The following DOCK1 variants were observed in gnomAD, a reference collection of about 807,000 sequenced individuals.
The protein encoded by DOCK1 is dedicator of cytokinesis 1.
A neutral mutation model predicts 262.7 loss-of-function variants in DOCK1; 138 were observed. The observed-to-expected ratio is 0.53, with a 90% CI of 0.46 to 0.61. The LOEUF is 0.61. DOCK1 is among the 20% of genes least tolerant of loss of function. The probability of loss-of-function intolerance (pLI) is 0.00; values close to 1 mark genes in which losing one functional copy is unlikely to be tolerated. For missense variants in DOCK1, 1,908 were observed against 2,370.7 expected, an observed-to-expected ratio of 0.80 and a Z score of 4.05; for synonymous variants, 866 against 867.4, an observed-to-expected ratio of 1.00 and a Z score of 0.03.
At chr10:126,929,103 T>C (rs2033991475) in intron 1 of DOCK1, among the ~76,000 whole-genome samples, 1 of 152,196 alleles carries the variant, frequency 6.6e-6, no homozygotes, top group East Asian at 1.9e-4. Context: ...CATGGAAGCT[T>C]ATTTGCATTG....
At chr10:127,114,790 C>T (rs1338901844) in intron 25 of DOCK1, among the ~76,000 whole-genome samples, 323 of 125,998 alleles carry the variant, frequency 2.6e-3, no homozygotes, top group African/African-American at 9.2e-3. Flanking sequence ...TGGAGTCTTG[C>T]TTTGTTGTCA....
intron 27 of DOCK1, among the ~76,000 whole-genome samples, chr10:127,201,621 C>T (rs964709084): frequency 6.6e-6 from 1 of 151,976 alleles, no homozygotes; most frequent in Non-Finnish European, 1.5e-5. Context: ...TTCTAATGCT[C>T]CCTGCAACTG....
chr10:127,005,464 G>T (rs908265786), intron 10 of DOCK1, among the ~76,000 whole-genome samples: 5 of 152,140 alleles, frequency 3.3e-5, no homozygotes, highest in Non-Finnish European at 5.9e-5. Flanking sequence ...GCTTTCTTTA[G>T]AATGACTTCT....
chr10:127,397,806 G>A (rs2066997330), intron 38 of DOCK1, among the ~76,000 whole-genome samples: 1 of 148,002 alleles, frequency 6.8e-6, no homozygotes, highest in South Asian at 2.1e-4. Context: ...GACACGGGCA[G>A]TGACTCCTGT....
chr10:127,161,129 A>G (rs983447983), intron 27 of DOCK1, among the ~76,000 whole-genome samples: 5 of 152,210 alleles, frequency 3.3e-5, no homozygotes, highest in Non-Finnish European at 4.4e-5. Context: ...AGTTTGCCAG[A>G]TTATGCCCCG....
At chr10:126,915,573 C>CG (rs2032382272) in intron 1 of DOCK1, among the ~76,000 whole-genome samples, 1 of 152,082 alleles carries the variant, frequency 6.6e-6, no homozygotes, top group African/African-American at 2.4e-5. Context: ...TGTGCACCAC[C>CG]GCATCTGGTA....
intron 1 of DOCK1, among the ~76,000 whole-genome samples, chr10:126,916,064 A>G (rs1025680922): frequency 2.0e-5 from 3 of 152,094 alleles, no homozygotes; most frequent in African/African-American, 7.2e-5. Context: ...TGGAGTTTAG[A>G]GCACTGGATT....
intron 1 of DOCK1, among the ~76,000 whole-genome samples, chr10:126,928,595 T>C (rs1048751922): frequency 2.0e-5 from 3 of 151,822 alleles, no homozygotes; most frequent in Admixed American, 2.0e-4. Context: ...CTTGTGAACT[T>C]GCCCAGTATT....
chr10:127,173,735 T>C lies in DOCK1; in HGVS notation c.2847+45971T>C, dbSNP rs149679090. ...GGACTACTGATCAGTAAATCACTGG[T>C]CTCCCCCACCCCACGCCTGATGAGT... On this transcript the variant is annotated intron_variant, in intron 27 of 51. Coordinates refer to ENST00000623213, the MANE Select transcript of DOCK1 (RefSeq NM_001290223.2). Among the ~76,000 whole-genome samples, 880 of 152,248 alleles carry C rather than the reference T, an allele frequency of 5.8e-3. 7 individuals are homozygous for C. The highest frequency in any genetic ancestry group is 0.02 in the Middle Eastern group (6 of 294).
intron 38 of DOCK1, among the ~76,000 whole-genome samples, chr10:127,394,898 T>C (rs980523287): frequency 7.2e-5 from 11 of 152,116 alleles, no homozygotes; most frequent in Admixed American, 7.2e-4. Context: ...CTTCCGCCCA[T>C]CACACAGGTG....
chr10:127,112,517 T>C (rs930429260), intron 25 of DOCK1, among the ~76,000 whole-genome samples: 3 of 152,218 alleles, frequency 2.0e-5, no homozygotes. Context: ...TTTGGAAGTA[T>C]GCAGGATGTG....
At chr10:127,375,390 C>A (rs1475989623) in intron 35 of DOCK1, among the ~76,000 whole-genome samples, 1 of 152,226 alleles carries the variant, frequency 6.6e-6, no homozygotes, top group Non-Finnish European at 1.5e-5. Flanking sequence ...TACTTACCTC[C>A]CTTCTCTGCC....
intron 27 of DOCK1, among the ~76,000 whole-genome samples, chr10:127,181,824 C>A (rs956283804): frequency 1.3e-5 from 2 of 152,154 alleles, no homozygotes; most frequent in African/African-American, 4.8e-5. Context: ...AACTTAGAGA[C>A]CTGTTTCATA....
At chr10:127,262,483 G>T (rs1419732688) in intron 29 of DOCK1, among the ~76,000 whole-genome samples, 1 of 152,104 alleles carries the variant, frequency 6.6e-6, no homozygotes, top group East Asian at 1.9e-4. Context: ...ACTGATAACT[G>T]TAACTTTTAT....
At chr10:127,363,866 G>T (rs1222431691) in intron 33 of DOCK1, among the ~76,000 whole-genome samples, 1 of 152,206 alleles carries the variant, frequency 6.6e-6, no homozygotes, top group African/African-American at 2.4e-5. Flanking sequence ...CACAGGCTTA[G>T]CCAGGTATTA....
intron 1 of DOCK1, among the ~76,000 whole-genome samples, chr10:126,927,993 C>A (rs1290081969): frequency 1.3e-5 from 2 of 152,096 alleles, no homozygotes; most frequent in African/African-American, 4.8e-5. Context: ...GGTCTGCGAA[C>A]GCCAGTGAGG....
chr10:127,292,979 G>T (rs1276847588), intron 29 of DOCK1, among the ~76,000 whole-genome samples: 1 of 152,194 alleles, frequency 6.6e-6, no homozygotes, highest in Non-Finnish European at 1.5e-5. Flanking sequence ...TAATGTGAAA[G>T]GTGCTGAGAA....
intron 27 of DOCK1, among the ~76,000 whole-genome samples, chr10:127,130,368 G>T (rs2050250216): frequency 6.6e-6 from 1 of 152,178 alleles, no homozygotes; most frequent in Non-Finnish European, 1.5e-5. Context: ...TTACAGGCAT[G>T]AGCCACCATG....
chr10:127,348,016 TG>T (rs957582085), intron 31 of DOCK1, among the ~76,000 whole-genome samples: 1 of 150,670 alleles, frequency 6.6e-6, no homozygotes, highest in Non-Finnish European at 1.5e-5. Context: ...TGACTGAGGT[TG>T]GGGAGATAAT....
Sources: gnomAD v4.1 joint callset for allele counts (sites outside exome capture counted in the v4.1 genomes callset) on GRCh38, gnomAD v4.1.1 for gene constraint, MANE v1.5 for transcripts, NCBI Gene and HGNC (gene_info 2026-07-23, HGNC 2026-07-21) for gene names.